The following N4BP2L1 variants were observed in gnomAD, a reference collection of about 807,000 sequenced individuals.
N4BP2L1 encodes NEDD4-binding protein 2-like 1.
In N4BP2L1, 12 loss-of-function variants were observed where a neutral mutation model predicts 21.2. The ratio of observed to expected loss-of-function variants is 0.57; its 90% CI spans 0.36 to 0.92. The LOEUF is 0.92. N4BP2L1 is among the 40% of genes least tolerant of loss of function. The probability of loss-of-function intolerance (pLI) is 0.01; values close to 1 mark genes in which losing one functional copy is unlikely to be tolerated. For missense variants in N4BP2L1, 259 were observed against 310.6 expected (o/e 0.83, Z 1.25); for synonymous variants, 104 against 112.8 (o/e 0.92, Z 0.49).
At chr13:32,428,330 C>T (rs921214556), upstream of N4BP2L1, 1 of 348,246 alleles carries the variant, frequency 2.9e-6, no homozygotes, top group East Asian at 4.3e-5. Flanking sequence ...CCCACCTCGA[C>T]CCCCGCTCCG....
chr13:32,418,480 G>C (rs1299432247), intron 1 of N4BP2L1, among the ~76,000 whole-genome samples: 1 of 152,242 alleles, frequency 6.6e-6, no homozygotes, highest in Admixed American at 6.5e-5. Flanking sequence ...ATCTCTGCTA[G>C]TGCAGTGCAG....
chr13:32,417,917 G>A (rs2074240445), intron 1 of N4BP2L1, among the ~76,000 whole-genome samples: 1 of 152,200 alleles, frequency 6.6e-6, no homozygotes, highest in Non-Finnish European at 1.5e-5. Context: ...AGGGTATCTG[G>A]TTGAAGAAAT....
Position 32,402,395 on chromosome 13 carries a change from C to G in N4BP2L1, c.*547G>C. 1 of 764,288 alleles carries G rather than the reference C, an allele frequency of 1.3e-6. No homozygotes were observed. The highest frequency in any genetic ancestry group is 1.6e-6 in the Non-Finnish European group (1 of 628,448). 47.3% of individuals were successfully genotyped at this position (764,288 alleles called of 1,614,324 possible). ...GTGTCTACTTTGAAGGACAATGTTC[C>G]CTTAGATGTATGCTTTCTGGCATAT... On this transcript the variant is annotated 3_prime_UTR_variant, in exon 5 of 5. Transcript: ENST00000380130.
In N4BP2L1 at chr13:32,407,760, A is replaced by G; in HGVS notation, c.192T>C (p.His64=). Residue 64 remains histidine, a synonymous_variant, in exon 2 of 5, where the codon CAT becomes CAC. Coordinates refer to ENST00000380130, the MANE Select transcript of N4BP2L1 (RefSeq NM_052818.3). ...GKTTLARQLQ[H]DFPRALIFST... ...TGAAAATCAGGGCCCTGGGAAAGTC[A>G]TGCTGCAATTGTCTGGAAAGTGGAG... 1 of 1,597,448 alleles carries G rather than the reference A, an allele frequency of 6.3e-7. No homozygotes were observed. Among genetic ancestry groups the G allele is most frequent in the Non-Finnish European group, 8.5e-7 (1 of 1,173,134 alleles).
chr13:32,414,794 G>C (rs1424065919), intron 1 of N4BP2L1, among the ~76,000 whole-genome samples: 7 of 152,154 alleles, frequency 4.6e-5, no homozygotes, highest in African/African-American at 1.7e-4. Context: ...AAACTGGCTT[G>C]GGTTTCTACC....
At chr13:32,426,048 G>A (rs1279547130) in intron 1 of N4BP2L1, 1 of 152,100 alleles carries the variant, frequency 6.6e-6, no homozygotes, top group Non-Finnish European at 1.5e-5. Flanking sequence ...TCCTAAAAGT[G>A]CAGAATGTTA....
intron 1 of N4BP2L1, among the ~76,000 whole-genome samples, chr13:32,412,960 G>T (rs2073940979): frequency 1.3e-5 from 2 of 152,158 alleles, no homozygotes; most frequent in African/African-American, 4.8e-5. Flanking sequence ...GTCCCACTCT[G>T]TCGCCCAGGC....
chr13:32,413,910 C>G (rs1329854967), intron 1 of N4BP2L1, among the ~76,000 whole-genome samples: 1 of 122,886 alleles, frequency 8.1e-6, no homozygotes, highest in Non-Finnish European at 1.6e-5. Context: ...GAGACAGAGT[C>G]TCACTCTGTC....
intron 3 of N4BP2L1, among the ~76,000 whole-genome samples, chr13:32,405,669 G>C (rs992060125): frequency 8.5e-5 from 13 of 152,106 alleles, no homozygotes; most frequent in Non-Finnish European, 1.8e-4. Flanking sequence ...CACAAGTTTG[G>C]GGCTCATTCT....
intron 1 of N4BP2L1, among the ~76,000 whole-genome samples, chr13:32,421,511 T>C (rs893921760): frequency 6.6e-5 from 10 of 152,178 alleles, no homozygotes; most frequent in Non-Finnish European, 2.9e-5. Flanking sequence ...ACTTGGTGTA[T>C]TATGAAATCC....
At chr13:32,409,831 C>T (rs983885337) in intron 1 of N4BP2L1, among the ~76,000 whole-genome samples, 3 of 152,060 alleles carry the variant, frequency 2.0e-5, no homozygotes, top group Admixed American at 6.6e-5. Context: ...GGAGAAGGGG[C>T]TGCAGGGAAA....
At chr13:32,410,583 G>A (rs2073803795) in intron 1 of N4BP2L1, among the ~76,000 whole-genome samples, 1 of 152,206 alleles carries the variant, frequency 6.6e-6, no homozygotes, top group African/African-American at 2.4e-5. Flanking sequence ...CTTCTTTAAA[G>A]ATACGCACAT....
intron 1 of N4BP2L1, among the ~76,000 whole-genome samples, chr13:32,422,742 A>G (rs538161196): frequency 6.6e-6 from 1 of 152,280 alleles, no homozygotes; most frequent in East Asian, 1.9e-4. Context: ...TTAAGTCCTC[A>G]TTCATCCCAG....
At chr13:32,418,967 T>C (rs1170529098) in intron 1 of N4BP2L1, among the ~76,000 whole-genome samples, 1 of 152,224 alleles carries the variant, frequency 6.6e-6, no homozygotes, top group African/African-American at 2.4e-5. Flanking sequence ...GGACTTGCCT[T>C]GTCTCAGATG....
Position 32,402,670 on chromosome 13 carries a change from T to G in N4BP2L1, c.*272A>C, listed in dbSNP as rs1270003342. ...TCTATGAACCTATGTAAATATATTC[T>G]TGGGTGTGTTCTCAAGTTTTGGTTT... On this transcript the variant is annotated 3_prime_UTR_variant, in exon 5 of 5. Coordinates refer to ENST00000380130, the MANE Select transcript of N4BP2L1 (RefSeq NM_052818.3). 7.4e-6 allele frequency: 9 copies of G among 1,221,126 alleles called. No individual in the cohort carries two copies. The East Asian group carries it at 2.6e-4, about 35-fold the overall frequency. 75.6% of individuals were successfully genotyped at this position (1,221,126 alleles called of 1,614,324 possible). A position where few individuals can be genotyped will look rare whatever the true frequency, so the allele number is the denominator to read the frequency against.
intron 1 of N4BP2L1, among the ~76,000 whole-genome samples, chr13:32,427,659 C>T (rs2074863728): frequency 6.6e-6 from 1 of 152,114 alleles, no homozygotes; most frequent in Non-Finnish European, 1.5e-5. Flanking sequence ...GGACGAGCTC[C>T]CTCCTCTCCG....
intron 1 of N4BP2L1, among the ~76,000 whole-genome samples, chr13:32,409,391 T>C (rs975448786): frequency 6.6e-6 from 1 of 152,248 alleles, no homozygotes; most frequent in African/African-American, 2.4e-5. Flanking sequence ...GGACATACTA[T>C]GTTTGTTTAA....
intron 1 of N4BP2L1, chr13:32,425,011 T>A (rs985078100): frequency 6.6e-6 from 1 of 152,184 alleles, no homozygotes; most frequent in African/African-American, 2.4e-5. Flanking sequence ...TAAAAAGCGA[T>A]TTCCTCCAAA....
At chr13:32,420,869 A>AT (rs1347962754) in intron 1 of N4BP2L1, among the ~76,000 whole-genome samples, 2 of 151,774 alleles carry the variant, frequency 1.3e-5, no homozygotes, top group African/African-American at 4.8e-5. Flanking sequence ...AATTTTTTGC[A>AT]TTTTTAGTAG....
Sources: gnomAD v4.1 joint callset for allele counts (sites outside exome capture counted in the v4.1 genomes callset) on GRCh38, gnomAD v4.1.1 for gene constraint, MANE v1.5 for transcripts, NCBI Gene and HGNC (gene_info 2026-07-23, HGNC 2026-07-21) for gene names.